The following SCHIP1 variants were observed in gnomAD, a reference collection of about 807,000 sequenced individuals.
SCHIP1 encodes the protein schwannomin interacting protein 1.
A neutral mutation model predicts 29.7 loss-of-function variants in SCHIP1; 8 were observed. That is an observed-to-expected ratio of 0.27 (90% CI 0.16 to 0.49). SCHIP1 has a LOEUF of 0.49. Among genes scored for constraint, SCHIP1 ranks in the 20% least tolerant of loss-of-function variants. The pLI, the probability that SCHIP1 is intolerant of heterozygous loss-of-function variation, is 0.99. For missense variants in SCHIP1, 193 were observed against 294.6 expected, an observed-to-expected ratio of 0.66 and a Z score of 2.52; for synonymous variants, 76 against 94.9, an observed-to-expected ratio of 0.80 and a Z score of 1.16.
the SCHIP1 span, among the ~76,000 whole-genome samples, chr3:159,346,116 C>A: frequency 6.6e-6 from 1 of 151,130 alleles, no homozygotes; most frequent in Non-Finnish European, 1.5e-5. Context: ...ATTGCGTGAA[C>A]CTGGGAGAGG....
chr3:159,551,999 T>C, the SCHIP1 span, among the ~76,000 whole-genome samples: 36 of 151,858 alleles, frequency 2.4e-4, no homozygotes, highest in African/African-American at 7.7e-4. Flanking sequence ...GGTAATTTCA[T>C]GTGAACAGAT....
the SCHIP1 span, among the ~76,000 whole-genome samples, chr3:159,668,631 C>G: frequency 6.6e-6 from 1 of 152,048 alleles, no homozygotes; most frequent in Non-Finnish European, 1.5e-5. Flanking sequence ...GCACACTGGG[C>G]CTCTCTGAAG....
the SCHIP1 span, among the ~76,000 whole-genome samples, chr3:159,417,099 T>G: frequency 6.6e-6 from 1 of 152,252 alleles, no homozygotes; most frequent in Non-Finnish European, 1.5e-5. Flanking sequence ...TCCGCAGCAC[T>G]GGCTATTACA....
chr3:159,662,845 T>A, the SCHIP1 span, among the ~76,000 whole-genome samples: 1 of 152,242 alleles, frequency 6.6e-6, no homozygotes. Context: ...TCTTTGGGTA[T>A]CTTAGTCTGT....
intron 1 of SCHIP1, among the ~76,000 whole-genome samples, chr3:159,847,771 A>G (rs1239947975): frequency 1.3e-5 from 2 of 152,202 alleles, no homozygotes; most frequent in African/African-American, 2.4e-5. Context: ...TAATACCATT[A>G]TTTTAATTTT....
At chr3:159,563,315 G>T in the SCHIP1 span, among the ~76,000 whole-genome samples, 1 of 151,974 alleles carries the variant, frequency 6.6e-6, no homozygotes, top group South Asian at 2.1e-4. Context: ...ACAATGTTAC[G>T]TAAGAGGAAT....
intron 2 of SCHIP1, among the ~76,000 whole-genome samples, chr3:159,869,329 C>G (rs1235046099): frequency 6.6e-6 from 1 of 151,908 alleles, no homozygotes; most frequent in Non-Finnish European, 1.5e-5. Flanking sequence ...CCCCCAAGAT[C>G]CAATAGACAT....
At chr3:159,751,623 C>A in the SCHIP1 span, among the ~76,000 whole-genome samples, 6 of 151,702 alleles carry the variant, frequency 4.0e-5, no homozygotes, top group Non-Finnish European at 8.8e-5. Flanking sequence ...CGGCTCACTG[C>A]AAGCTCTGCC....
At chr3:159,649,433 T>C in the SCHIP1 span, among the ~76,000 whole-genome samples, 1 of 152,022 alleles carries the variant, frequency 6.6e-6, no homozygotes, top group Non-Finnish European at 1.5e-5. Flanking sequence ...TGACTAAAAA[T>C]GTAAAAGCGA....
chr3:159,638,960 T>A, the SCHIP1 span, among the ~76,000 whole-genome samples: 2 of 152,228 alleles, frequency 1.3e-5, no homozygotes, highest in African/African-American at 4.8e-5. Flanking sequence ...GTGCCCTACT[T>A]TGAGACAATT....
At chr3:159,643,376 C>T in the SCHIP1 span, among the ~76,000 whole-genome samples, 1 of 151,962 alleles carries the variant, frequency 6.6e-6, no homozygotes, top group Non-Finnish European at 1.5e-5. Context: ...TGGCTCTGAC[C>T]CTGCAGGACA....
At chr3:159,720,390 A>T in the SCHIP1 span, among the ~76,000 whole-genome samples, 1 of 152,102 alleles carries the variant, frequency 6.6e-6, no homozygotes, top group Non-Finnish European at 1.5e-5. Context: ...ATAAAAAAAA[A>T]TTAAAAATAA....
the SCHIP1 span, among the ~76,000 whole-genome samples, chr3:159,571,719 A>C: frequency 6.6e-6 from 1 of 152,068 alleles, no homozygotes; most frequent in African/African-American, 2.4e-5. Flanking sequence ...TCCTCTTTGT[A>C]CCTCTGGTAA....
chr3:159,678,359 T>A, the SCHIP1 span, among the ~76,000 whole-genome samples: 3 of 152,202 alleles, frequency 2.0e-5, no homozygotes, highest in Non-Finnish European at 4.4e-5. Flanking sequence ...CCCTTCTTAC[T>A]ATTTCAAGTA....
chr3:159,688,389 T>A, the SCHIP1 span, among the ~76,000 whole-genome samples: 1 of 152,236 alleles, frequency 6.6e-6, no homozygotes, highest in African/African-American at 2.4e-5. Flanking sequence ...GTTGGCCACA[T>A]AAATGTCTTC....
chr3:159,389,473 G>T, the SCHIP1 span, among the ~76,000 whole-genome samples: 2 of 151,926 alleles, frequency 1.3e-5, no homozygotes, highest in Non-Finnish European at 2.9e-5. Flanking sequence ...GGACAATTTG[G>T]CTGCTTGGTC....
the SCHIP1 span, among the ~76,000 whole-genome samples, chr3:159,404,362 C>T: frequency 3.3e-5 from 5 of 152,080 alleles, no homozygotes; most frequent in African/African-American, 1.2e-4. Context: ...CGTTGCTCTT[C>T]GATGGCATTT....
intron 3 of SCHIP1, 143 bp downstream of exon 4, chr3:159,886,467 T>G: frequency 1.5e-6 from 1 of 667,550 alleles, no homozygotes; most frequent in East Asian, 2.7e-5. Flanking sequence ...TCCTAAAATT[T>G]GACAATGATT....
intron 2 of SCHIP1, among the ~76,000 whole-genome samples, chr3:159,880,548 A>G (rs1716330516): frequency 6.6e-6 from 1 of 152,224 alleles, no homozygotes; most frequent in Admixed American, 6.5e-5. Context: ...GTCGTGAACC[A>G]TAAAATGCCC....
Sources: allele counts gnomAD v4.1 joint callset (sites outside exome capture counted in the v4.1 genomes callset), GRCh38; gene constraint gnomAD v4.1.1; transcripts MANE v1.5; gene names NCBI Gene and HGNC (gene_info 2026-07-23, HGNC 2026-07-21).